The following PKIB variants were observed in gnomAD, a reference collection of about 807,000 sequenced individuals.
PKIB encodes the protein PKI-beta.
PKIB carries 2 observed loss-of-function variants against 4.5 expected under a neutral mutation model. The observed-to-expected ratio is 0.44, with a 90% confidence interval of 0.18 to 1.39. PKIB has a LOEUF of 1.39. Ranked by LOEUF, PKIB falls within the 40% of genes most tolerant of loss-of-function variation. The pLI is 0.27. For missense variants in PKIB, 94 were observed against 92.6 expected, an observed-to-expected ratio of 1.02 and a Z score of -0.06; for synonymous variants, 38 against 36.0, an observed-to-expected ratio of 1.06 and a Z score of -0.20.
In PKIB at chr6:122,635,119, T is replaced by C. The variant is rs562373156; in HGVS notation, c.-76+1752T>C. 7.4e-3 allele frequency among the ~76,000 whole-genome samples: 186 copies of C among 25,304 alleles called. 3 individuals carry two copies. The South Asian group carries it at 0.16, about 21-fold the overall frequency. The allele number at this position is 25,304 out of a possible 152,430, so 16.6% of individuals were successfully genotyped here. A position where few individuals can be genotyped will look rare whatever the true frequency, so the allele number is the denominator to read the frequency against. On this transcript the variant is annotated intron_variant, in intron 2 of 4. Coordinates refer to ENST00000368452, the MANE Select transcript of PKIB (RefSeq NM_181795.3). The stretch of plus-strand genomic sequence containing the variant: ...GAATTAATTTTGTACTTAAGGAAAA[T>C]TAAAACTAACATAAAATAATTTATT...
intron 2 of PKIB, among the ~76,000 whole-genome samples, chr6:122,545,959 C>A (rs1772482018): frequency 6.6e-6 from 1 of 151,142 alleles, no homozygotes; most frequent in Non-Finnish European, 1.5e-5. Flanking sequence ...CTAGAGAGAT[C>A]TCCCTGGGTG....
At chr6:122,685,526 T>C (rs902016820) in intron 3 of PKIB, among the ~76,000 whole-genome samples, 1 of 152,120 alleles carries the variant, frequency 6.6e-6, no homozygotes, top group Non-Finnish European at 1.5e-5. Context: ...TATTGGCTTT[T>C]TATTTTTAAT....
intron 2 of PKIB, among the ~76,000 whole-genome samples, chr6:122,542,810 C>T (rs1165539232): frequency 6.6e-6 from 1 of 152,096 alleles, no homozygotes; most frequent in Non-Finnish European, 1.5e-5. Context: ...TGCCCTGCCC[C>T]CAGAGGTGGA....
At chr6:122,610,902 T>C (rs1330435175) in intron 1 of PKIB, among the ~76,000 whole-genome samples, 7 of 152,092 alleles carry the variant, frequency 4.6e-5, no homozygotes, top group Non-Finnish European at 1.0e-4. Context: ...ATGCCAAGTC[T>C]TTCCCCTGGG....
At chr6:122,696,395 G>A (rs1778571312) in intron 3 of PKIB, among the ~76,000 whole-genome samples, 1 of 152,190 alleles carries the variant, frequency 6.6e-6, no homozygotes, top group East Asian at 1.9e-4. Flanking sequence ...CAGGATTCCA[G>A]CTCACTGGGT....
Position 122,726,173 on chromosome 6 carries a change from C to G in PKIB, c.*978C>G, listed in dbSNP as rs996250899. The G allele has an allele frequency of 1.3e-5, 2 of 151,556 alleles. No homozygotes were observed. Among genetic ancestry groups the G allele is most frequent in the African/African-American group, 4.8e-5 (2 of 41,246 alleles). 9.4% of individuals were successfully genotyped at this position (151,556 alleles called of 1,614,324 possible). A position where few individuals can be genotyped will look rare whatever the true frequency, so the allele number is the denominator to read the frequency against. Reference sequence around the variant, plus strand: ...ATTTTAAAAGGAGCAAAAATAAAACCAAAGTGTTAGTAAATTTTGATTTAT... The same window carrying G: ...ATTTTAAAAGGAGCAAAAATAAAACGAAAGTGTTAGTAAATTTTGATTTAT... On this transcript the variant is annotated 3_prime_UTR_variant, in exon 5 of 5. Transcript: ENST00000368452.
chr6:122,541,128 C>T (rs1228411514), intron 2 of PKIB, among the ~76,000 whole-genome samples: 2 of 151,450 alleles, frequency 1.3e-5, no homozygotes, highest in Non-Finnish European at 2.9e-5. Context: ...GGTCTTGACT[C>T]TTTATCCAAT....
upstream of PKIB, among the ~76,000 whole-genome samples, chr6:122,607,782 G>A (rs1451995526): frequency 2.0e-5 from 3 of 152,130 alleles, no homozygotes; most frequent in Non-Finnish European, 4.4e-5. Context: ...GGTCACAGGG[G>A]CAGTGTTGGG....
intron 2 of PKIB, chr6:122,478,646 T>G (rs1335481538): frequency 2.6e-5 from 4 of 152,134 alleles, no homozygotes; most frequent in Non-Finnish European, 5.9e-5. Context: ...TGGGGAAATA[T>G]CCTTTAAGAA....
rs541205133 is a variant in PKIB at position 122,655,765 on chromosome 6, C to A, written c.-75-19313C>A. 3.9e-5 allele frequency among the ~76,000 whole-genome samples: 6 copies of A among 152,088 alleles called. No individual in the cohort carries two copies. The East Asian group carries it at 1.2e-3, about 29-fold the overall frequency. ...ATATTGATAATGCTCATAAAAACAACTTACTTTTTAAAAAATTGGATAGCC... is the reference window on the plus strand; with the variant it reads ...ATATTGATAATGCTCATAAAAACAAATTACTTTTTAAAAAATTGGATAGCC... On this transcript the variant is annotated intron_variant, in intron 2 of 4. Transcript: ENST00000368452.
intron 3 of PKIB, among the ~76,000 whole-genome samples, chr6:122,685,558 G>A (rs1020668845): frequency 6.6e-6 from 1 of 152,030 alleles, no homozygotes; most frequent in African/African-American, 2.4e-5. Context: ...CATAGTAGGT[G>A]TATATATTTA....
Position 122,481,141 on chromosome 6 carries a change from T to C in PKIB, c.-248+3202T>C, listed in dbSNP as rs1435935819. 5 of 152,220 alleles carry C rather than the reference T, an allele frequency of 3.3e-5. No homozygotes were observed. In the East Asian group the frequency reaches 7.7e-4, roughly 24 times the overall value. The allele number at this position is 152,220 out of a possible 1,614,324, so 9.4% of individuals were successfully genotyped here. ...ATCAAAGTTTTAACATCACCAGTAATAGAACAAATAGGTTTCATGTGTCTT... is the reference window on the plus strand; with the variant it reads ...ATCAAAGTTTTAACATCACCAGTAACAGAACAAATAGGTTTCATGTGTCTT... On this transcript the variant is annotated intron_variant, in intron 2 of 6. Coordinates refer to the PKIB transcript ENST00000392491.
chr6:122,693,287 C>T (rs1778427208), intron 3 of PKIB, among the ~76,000 whole-genome samples: 1 of 152,186 alleles, frequency 6.6e-6, no homozygotes, highest in African/African-American at 2.4e-5. Flanking sequence ...TTCAATGTTT[C>T]CATACTTCCT....
chr6:122,586,529 C>T (rs1773853108), intron 3 of PKIB, among the ~76,000 whole-genome samples: 1 of 151,884 alleles, frequency 6.6e-6, no homozygotes, highest in South Asian at 2.1e-4. Context: ...AATGTGTAGG[C>T]TCAGTGCTAA....
At chr6:122,536,937 G>T (rs1466674428) in intron 2 of PKIB, among the ~76,000 whole-genome samples, 3 of 142,508 alleles carry the variant, frequency 2.1e-5, no homozygotes, top group Non-Finnish European at 4.6e-5. Flanking sequence ...CTCAAATTTT[G>T]CTTGGGATGC....
At chr6:122,624,347 A>T (rs1775351243) in intron 1 of PKIB, among the ~76,000 whole-genome samples, 1 of 152,182 alleles carries the variant, frequency 6.6e-6, no homozygotes, top group South Asian at 2.1e-4. Flanking sequence ...AAGCTTCTTT[A>T]TATCCATCAC....
intron 1 of PKIB, among the ~76,000 whole-genome samples, chr6:122,610,837 G>C (rs566556221): frequency 2.0e-5 from 3 of 152,164 alleles, no homozygotes; most frequent in Non-Finnish European, 4.4e-5. Context: ...CCTGCAGGTG[G>C]CCATTGATGA....
intron 1 of PKIB, among the ~76,000 whole-genome samples, chr6:122,619,694 C>T (rs1356523017): frequency 6.6e-6 from 1 of 152,046 alleles, no homozygotes; most frequent in Non-Finnish European, 1.5e-5. Context: ...ACCACATTAC[C>T]AGTTTTGGAA....
chr6:122,584,206 T>G (rs372282095), intron 2 of PKIB, among the ~76,000 whole-genome samples: 1 of 152,100 alleles, frequency 6.6e-6, no homozygotes, highest in East Asian at 1.9e-4. Flanking sequence ...GGTTAAGTTA[T>G]TAAGCATGCA....
Sources: gnomAD v4.1 joint callset for allele counts (sites outside exome capture counted in the v4.1 genomes callset) on GRCh38, gnomAD v4.1.1 for gene constraint, MANE v1.5 for transcripts, NCBI Gene and HGNC (gene_info 2026-07-23, HGNC 2026-07-21) for gene names.